Variants in PTP4A2 observed in about 807,000 individuals in gnomAD.
PTP4A2 encodes the protein protein tyrosine phosphatase type IVA 2.
PTP4A2 carries 2 observed loss-of-function variants against 22.9 expected under a neutral mutation model. That is an observed-to-expected ratio of 0.09 (90% CI 0.04 to 0.27). The LOEUF (loss-of-function observed/expected upper bound fraction) is 0.27. PTP4A2 is among the 10% of genes least tolerant of loss of function. PTP4A2 has a pLI of 1.00. For synonymous variants in PTP4A2, 68 were observed against 69.1 expected (o/e 0.98, Z 0.08); for missense variants, 103 against 205.1 (o/e 0.50, Z 3.04).
chr1:31,930,124 G>A (rs1457228209), intron 1 of PTP4A2, among the ~76,000 whole-genome samples: 2 of 152,072 alleles, frequency 1.3e-5, no homozygotes, highest in African/African-American at 2.4e-5. Context: ...GGATCACGAG[G>A]TCAGCAGATC....
intron 1 of PTP4A2, among the ~76,000 whole-genome samples, chr1:31,930,478 GAA>G (rs1350322744): frequency 6.6e-6 from 1 of 152,098 alleles, no homozygotes. Flanking sequence ...GAGAGTGAGG[GAA>G]ACTCTCTATG....
chr1:31,922,131 C>A (rs1337875847), intron 1 of PTP4A2, among the ~76,000 whole-genome samples: 1 of 152,184 alleles, frequency 6.6e-6, no homozygotes, highest in Non-Finnish European at 1.5e-5. Context: ...TAAAGTACTC[C>A]TTGTACAGTC....
At chr1:31,922,302 G>A (rs533147641) in intron 1 of PTP4A2, among the ~76,000 whole-genome samples, 10 of 152,210 alleles carry the variant, frequency 6.6e-5, no homozygotes, top group Non-Finnish European at 1.3e-4. Context: ...TGATCAACAT[G>A]GAGAAACCCC....
At chr1:31,926,530 T>C (rs1486560888) in intron 1 of PTP4A2, among the ~76,000 whole-genome samples, 1 of 152,182 alleles carries the variant, frequency 6.6e-6, no homozygotes, top group Non-Finnish European at 1.5e-5. Flanking sequence ...CTAAAGCAAA[T>C]TCCCTTCATG....
chr1:31,937,375 G>A (rs539016836), intron 1 of PTP4A2, among the ~76,000 whole-genome samples: 1 of 151,744 alleles, frequency 6.6e-6, no homozygotes. Context: ...AGATGCTCCC[G>A]GAAAGAACTC....
intron 2 of PTP4A2, among the ~76,000 whole-genome samples, chr1:31,916,430 T>C (rs1651851917): frequency 6.7e-6 from 1 of 150,162 alleles, no homozygotes; most frequent in African/African-American, 2.5e-5. Flanking sequence ...AAGATCAGAA[T>C]TGTTCTCACT....
intron 1 of PTP4A2, among the ~76,000 whole-genome samples, chr1:31,936,848 A>G (rs1311227229): frequency 6.6e-6 from 1 of 152,208 alleles, no homozygotes; most frequent in Non-Finnish European, 1.5e-5. Context: ...ACTCTCTCTT[A>G]CAGAGCATGA....
At chr1:31,922,614 CTTT>C (rs1652224825) in intron 1 of PTP4A2, among the ~76,000 whole-genome samples, 1 of 148,260 alleles carries the variant, frequency 6.7e-6, no homozygotes, top group South Asian at 2.2e-4. Context: ...TTCTTTCTTT[CTTT>C]CTTTCTTTCT....
intron 1 of PTP4A2, chr1:31,935,784 TCAATTCCTTCCCTCACTGAATAGTAA>T (rs1652909325): frequency 6.6e-6 from 1 of 152,108 alleles, no homozygotes; most frequent in Non-Finnish European, 1.5e-5. Flanking sequence ...TTAATACTAA[TCAATTCCTTCCCTCACTGAATAGTAA>T]CAATACTATT....
intron 3 of PTP4A2, chr1:31,914,171 A>G (rs1009394934): frequency 2.4e-6 from 1 of 419,968 alleles, no homozygotes; most frequent in African/African-American, 2.0e-5. Flanking sequence ...GGTTCAGGTG[A>G]TCCTCCCACC....
At chr1:31,923,202 C>T (rs1451801680) in intron 1 of PTP4A2, among the ~76,000 whole-genome samples, 1 of 151,846 alleles carries the variant, frequency 6.6e-6, no homozygotes, top group Non-Finnish European at 1.5e-5. Flanking sequence ...AGCCACCACA[C>T]CCAGCCTCTT....
intron 2 of PTP4A2, among the ~76,000 whole-genome samples, chr1:31,918,318 A>G (rs1441964332): frequency 6.6e-6 from 1 of 152,186 alleles, no homozygotes; most frequent in Non-Finnish European, 1.5e-5. Flanking sequence ...TCCTACCAAT[A>G]GAAAAAATAT....
intron 1 of PTP4A2, among the ~76,000 whole-genome samples, chr1:31,926,149 A>ATAC (rs1553212253): frequency 7.6e-6 from 1 of 131,340 alleles, no homozygotes; most frequent in Non-Finnish European, 1.6e-5. Flanking sequence ...AAAAAAAAAA[A>ATAC]ATATATATAT....
rs770175682 is a variant in PTP4A2 at position 31,915,937 on chromosome 1, T to G, written c.147A>C (p.Thr49=). Residue 49 remains threonine (T), a synonymous_variant, in exon 3 of 6, where the codon ACA becomes ACC. Coordinates refer to ENST00000647444, the MANE Select transcript of PTP4A2 (RefSeq NM_080391.4). ...CTTTTTCAACTGGAGCTTTATCATA[T>G]GTAGCATCACAAACTCGAACCAAAG... ...VTTLVRVCDA[T]YDKAPVEKEG... is the part of the protein sequence containing the mutation. 2 of 1,609,314 alleles carry G rather than the reference T, an allele frequency of 1.2e-6. No homozygotes were observed. Among genetic ancestry groups the G allele is most frequent in the Non-Finnish European group, 1.7e-6 (2 of 1,177,814 alleles).
intron 2 of PTP4A2, among the ~76,000 whole-genome samples, chr1:31,918,300 G>GT (rs1651963547): frequency 6.6e-6 from 1 of 151,666 alleles, no homozygotes; most frequent in South Asian, 2.1e-4. Flanking sequence ...AGTACAAAGA[G>GT]TTTTTTCTCC....
intron 1 of PTP4A2, among the ~76,000 whole-genome samples, chr1:31,926,692 C>G (rs1652482044): frequency 6.6e-6 from 1 of 152,130 alleles, no homozygotes; most frequent in Admixed American, 6.6e-5. Context: ...GTCACATACT[C>G]TTACAGGTGC....
At chr1:31,922,006 A>G (rs977886086) in intron 1 of PTP4A2, among the ~76,000 whole-genome samples, 2 of 152,192 alleles carry the variant, frequency 1.3e-5, no homozygotes, top group Non-Finnish European at 2.9e-5. Flanking sequence ...TAAAAACACA[A>G]AATGTCTACC....
chr1:31,910,035 C>T lies in PTP4A2; in HGVS notation c.395+3G>A, dbSNP rs1651453773. 2 of 1,607,342 alleles carry T rather than the reference C, an allele frequency of 1.2e-6. No homozygotes were observed. Among genetic ancestry groups the T allele is most frequent in the Non-Finnish European group, 1.7e-6 (2 of 1,174,698 alleles). On this transcript the variant is annotated splice_donor_region_variant and intron_variant, in intron 5 of 5. Transcript: ENST00000647444. ...TTTCTGAACACAAAAACTTCATACT[C>T]ACTGTCTTATAAACTGAACTGCATC...
chr1:31,908,252 T>A lies in PTP4A2; in HGVS notation c.*600A>T, dbSNP rs1397986471. The A allele has an allele frequency of 1.2e-4, 14 of 114,464 alleles. No homozygotes were observed. Among genetic ancestry groups the A allele is most frequent in the East Asian group, 9.6e-4 (4 of 4,174 alleles). 7.1% of individuals were successfully genotyped at this position (114,464 alleles called of 1,614,324 possible). A position where few individuals can be genotyped will look rare whatever the true frequency, so the allele number is the denominator to read the frequency against. On this transcript the variant is annotated 3_prime_UTR_variant, in exon 6 of 6. Coordinates refer to ENST00000647444, the MANE Select transcript of PTP4A2 (RefSeq NM_080391.4). ...TTGTTTTTTGTTTTTTTTTTTTTTT[T>A]ATCTAAAAGTGCCCAGGTGGGCTTA... is the stretch of plus-strand genomic sequence containing the variant.
Sources: gnomAD v4.1 joint callset for allele counts (sites outside exome capture counted in the v4.1 genomes callset) on GRCh38, gnomAD v4.1.1 for gene constraint, MANE v1.5 for transcripts, NCBI Gene and HGNC (gene_info 2026-07-23, HGNC 2026-07-21) for gene names.